Variants in LINGO2 observed in about 807,000 individuals in gnomAD.
LINGO2 encodes the protein leucine-rich repeat and immunoglobulin-like domain-containing nogo receptor-interacting protein 2.
Under a neutral mutation model 30.6 loss-of-function variants are expected in LINGO2, and 14 were observed. The ratio of observed to expected loss-of-function variants is 0.46; its 90% CI spans 0.30 to 0.72. LINGO2 has a LOEUF of 0.72. LINGO2 is among the 30% of genes least tolerant of loss of function. The pLI, the probability that LINGO2 is intolerant of heterozygous loss-of-function variation, is 0.07. For synonymous variants in LINGO2, 317 were observed against 288.5 expected, an observed-to-expected ratio of 1.10 and a Z score of -1.00; for missense variants, 729 against 751.7, an observed-to-expected ratio of 0.97 and a Z score of 0.35.
chr9:29,058,313 C>T, the LINGO2 span, among the ~76,000 whole-genome samples: 2 of 151,968 alleles, frequency 1.3e-5, no homozygotes, highest in Non-Finnish European at 2.9e-5. Context: ...GTAAAAACAT[C>T]ACTGGCTGCA....
chr9:28,273,453 C>A (rs1482183729), intron 4 of LINGO2, among the ~76,000 whole-genome samples: 2 of 152,126 alleles, frequency 1.3e-5, no homozygotes, highest in African/African-American at 4.8e-5. Flanking sequence ...AAAATGGTCC[C>A]TTAGTATTTT....
intron 4 of LINGO2, among the ~76,000 whole-genome samples, chr9:28,051,949 A>T (rs1383162562): frequency 6.6e-6 from 1 of 152,056 alleles, no homozygotes; most frequent in African/African-American, 2.4e-5. Flanking sequence ...TCAAAATCAT[A>T]ATTGCCCTGG....
At chr9:28,972,089 C>A in the LINGO2 span, among the ~76,000 whole-genome samples, 1 of 152,214 alleles carries the variant, frequency 6.6e-6, no homozygotes, top group Admixed American at 6.5e-5. Flanking sequence ...AGCATTACTG[C>A]GCTTGGGGTG....
chr9:28,080,544 C>T (rs1825744775), intron 4 of LINGO2: 2 of 152,108 alleles, frequency 1.3e-5, no homozygotes, highest in African/African-American at 2.4e-5. Flanking sequence ...TCCTACCTTC[C>T]CCAGTTACTA....
the LINGO2 span, among the ~76,000 whole-genome samples, chr9:28,969,183 T>G: frequency 1.3e-5 from 2 of 151,952 alleles, no homozygotes; most frequent in Non-Finnish European, 2.9e-5. Flanking sequence ...AGCACTGTGT[T>G]AAAAAAATAA....
chr9:28,440,527 T>A (rs1429240990), intron 2 of LINGO2, among the ~76,000 whole-genome samples: 2 of 152,216 alleles, frequency 1.3e-5, no homozygotes, highest in Non-Finnish European at 2.9e-5. Flanking sequence ...ATTCTTCCTA[T>A]ATTTTTGGCT....
At chr9:28,185,340 C>T (rs1335599349) in intron 4 of LINGO2, among the ~76,000 whole-genome samples, 2 of 151,976 alleles carry the variant, frequency 1.3e-5, no homozygotes, top group Non-Finnish European at 1.5e-5. Flanking sequence ...AATAAATTCT[C>T]TCTTATAAAT....
At chr9:28,932,316 C>A in the LINGO2 span, among the ~76,000 whole-genome samples, 2 of 151,752 alleles carry the variant, frequency 1.3e-5, no homozygotes, top group Non-Finnish European at 2.9e-5. Flanking sequence ...GTTTCCTGGG[C>A]TTATTATTTT....
At chr9:28,964,183 T>C in the LINGO2 span, among the ~76,000 whole-genome samples, 1 of 151,922 alleles carries the variant, frequency 6.6e-6, no homozygotes, top group Admixed American at 6.6e-5. Flanking sequence ...AAGGACAATT[T>C]GTGATACAGA....
At chr9:28,800,444 T>C in the LINGO2 span, among the ~76,000 whole-genome samples, 1 of 152,084 alleles carries the variant, frequency 6.6e-6, no homozygotes, top group African/African-American at 2.4e-5. Context: ...CAAATAATGC[T>C]GCAGTCTATT....
intron 2 of LINGO2, among the ~76,000 whole-genome samples, chr9:28,382,366 C>G (rs114872317): frequency 6.6e-6 from 1 of 152,058 alleles, no homozygotes; most frequent in Non-Finnish European, 1.5e-5. Context: ...TCATTAGATA[C>G]GTCTTTCCAA....
At chr9:28,612,852 A>G (rs1235944490) in intron 1 of LINGO2, among the ~76,000 whole-genome samples, 2 of 152,050 alleles carry the variant, frequency 1.3e-5, no homozygotes, top group South Asian at 2.1e-4. Context: ...AGGGGGTGAA[A>G]TGATATGGTT....
chr9:28,860,050 T>C, the LINGO2 span, among the ~76,000 whole-genome samples: 1 of 152,064 alleles, frequency 6.6e-6, no homozygotes, highest in Non-Finnish European at 1.5e-5. Flanking sequence ...TAATTGAATT[T>C]CCAATAAATT....
the LINGO2 span, among the ~76,000 whole-genome samples, chr9:29,064,735 T>C: frequency 0.37 from 55,927 of 151,842 alleles, 10,376 homozygotes; most frequent in East Asian, 0.48. Flanking sequence ...ACTAAGATGA[T>C]TGATAAAAAT....
chr9:28,742,704 T>C, the LINGO2 span, among the ~76,000 whole-genome samples: 1 of 152,002 alleles, frequency 6.6e-6, no homozygotes, highest in Non-Finnish European at 1.5e-5. Flanking sequence ...AACTACTAGA[T>C]ATTTATATGT....
intron 1 of LINGO2, among the ~76,000 whole-genome samples, chr9:28,649,655 T>G (rs1316913773): frequency 2.6e-5 from 4 of 152,080 alleles, no homozygotes; most frequent in African/African-American, 9.7e-5. Context: ...AGAAAGTAGT[T>G]AAGAAATTGT....
At chr9:28,178,599 A>G (rs1273871563) in intron 4 of LINGO2, among the ~76,000 whole-genome samples, 2 of 152,144 alleles carry the variant, frequency 1.3e-5, no homozygotes, top group Non-Finnish European at 2.9e-5. Flanking sequence ...TATCTTCTCA[A>G]TGTTCACGGA....
At chr9:28,540,458 C>A (rs928329533) in intron 1 of LINGO2, among the ~76,000 whole-genome samples, 2 of 152,028 alleles carry the variant, frequency 1.3e-5, no homozygotes, top group African/African-American at 4.8e-5. Context: ...GACAGGGTTT[C>A]ATTATGTTGG....
intron 4 of LINGO2, among the ~76,000 whole-genome samples, chr9:28,098,093 T>A (rs1826300666): frequency 6.6e-6 from 1 of 152,066 alleles, no homozygotes. Flanking sequence ...TCACTTGAGG[T>A]CAGGAATTTG....
Sources: allele counts gnomAD v4.1 joint callset (sites outside exome capture counted in the v4.1 genomes callset), GRCh38; gene constraint gnomAD v4.1.1; transcripts MANE v1.5; gene names NCBI Gene and HGNC (gene_info 2026-07-23, HGNC 2026-07-21).